The following TNRC18 variants were observed in gnomAD, a reference collection of about 807,000 sequenced individuals.
The protein encoded by TNRC18 is trinucleotide repeat containing 18, also known as trinucleotide repeat-containing gene 18 protein.
In TNRC18, 69 loss-of-function variants were observed where a neutral mutation model predicts 226.7. That is an observed-to-expected ratio of 0.30 (90% CI 0.25 to 0.37). The LOEUF (loss-of-function observed/expected upper bound fraction) is 0.37. TNRC18 is among the 10% of genes least tolerant of loss of function. TNRC18 has a pLI of 1.00. For synonymous variants in TNRC18, 2,449 were observed against 1,927.6 expected (o/e 1.27, Z -7.09); for missense variants, 4,754 against 4,256.6 (o/e 1.12, Z -3.25).
chr7:5,360,955 C>G (rs1446804216), intron 14 of TNRC18, among the ~76,000 whole-genome samples: 1 of 152,160 alleles, frequency 6.6e-6, no homozygotes, highest in Non-Finnish European at 1.5e-5. Context: ...GCCCCAGGCT[C>G]CCAACACTCC....
In TNRC18 at chr7:5,397,781, G is replaced by A. The variant is rs143789306; in HGVS notation, c.188-3186C>T. Among the ~76,000 whole-genome samples, 1,106 of 152,150 alleles carry A rather than the reference G, an allele frequency of 7.3e-3. 14 individuals are homozygous for A. The highest frequency in any genetic ancestry group is 0.028 in the South Asian group (133 of 4,814). ...TCCAACAGCCACACGACCCAAGCAG[G>A]CCCCAAGTGACCTGTGACCACCCAC... On this transcript the variant is annotated intron_variant, in intron 2 of 29. Transcript: ENST00000430969.
chr7:5,313,585 T>C lies in TNRC18; in HGVS notation c.7306A>G (p.Lys2436Glu), dbSNP rs752320737. Residue 2436 changes from lysine to glutamate, a missense_variant, in exon 27 of 30, where the codon AAG becomes GAG. Transcript: ENST00000430969. The stretch of plus-strand genomic sequence containing the variant: ...TCGGCTGCCCGCGCCTTCTTGGGCT[T>C]GGGGCGTGTGGCAGGCATGGTGATG... ...PLITMPATRPKPKKARAAEES... is the reference protein window; with the variant it reads ...PLITMPATRPEPKKARAAEES... 6.2e-7 allele frequency: 1 copy of C among 1,604,390 alleles called. No individual in the cohort carries two copies. Among genetic ancestry groups the C allele is most frequent in the Non-Finnish European group, 8.5e-7 (1 of 1,176,234 alleles).
At chr7:5,319,070 C>T (rs1788101598) in intron 24 of TNRC18, among the ~76,000 whole-genome samples, 1 of 152,210 alleles carries the variant, frequency 6.6e-6, no homozygotes, top group Non-Finnish European at 1.5e-5. Context: ...AGGCCTAGAA[C>T]ACAGCCAGCA....
intron 2 of TNRC18, among the ~76,000 whole-genome samples, chr7:5,404,985 G>A (rs913300759): frequency 6.6e-6 from 1 of 152,062 alleles, no homozygotes; most frequent in African/African-American, 2.4e-5. Context: ...GGGTGTGGCT[G>A]CATGCGCCTG....
intron 17 of TNRC18, among the ~76,000 whole-genome samples, chr7:5,348,577 G>A (rs575776069): frequency 1.3e-4 from 19 of 147,802 alleles, no homozygotes; most frequent in African/African-American, 3.7e-4. Flanking sequence ...GAGACAGCCC[G>A]GATTTCTGCT....
Position 5,356,776 on chromosome 7 carries a change from A to C in TNRC18, c.5194+140T>G, listed in dbSNP as rs549748297. 2.4e-5 allele frequency: 29 copies of C among 1,224,462 alleles called. No homozygotes were observed. The East Asian group carries it at 6.0e-4, about 26-fold the overall frequency. The allele number at this position is 1,224,462 out of a possible 1,614,324, so 75.8% of individuals were successfully genotyped here. On this transcript the variant is annotated intron_variant, in intron 16 of 29. Coordinates refer to ENST00000430969, the MANE Select transcript of TNRC18 (RefSeq NM_001080495.3). ...CCGGCTTGGAGGCCATGCCAAGCTC[A>C]GGCACTGTAGTGCGCCCCAGAGAGA... is the stretch of plus-strand genomic sequence containing the variant.
chr7:5,328,679 T>C (rs1228046779), intron 19 of TNRC18, among the ~76,000 whole-genome samples: 1 of 151,910 alleles, frequency 6.6e-6, no homozygotes, highest in African/African-American at 2.4e-5. Context: ...CGGCTACTTT[T>C]TTGTATTTTT....
intron 19 of TNRC18, among the ~76,000 whole-genome samples, chr7:5,329,497 A>G (rs2128124265): frequency 6.6e-6 from 1 of 151,766 alleles, no homozygotes; most frequent in Middle Eastern, 3.4e-3. Flanking sequence ...CAGCCTGACC[A>G]ACATGGTGAA....
intron 18 of TNRC18, among the ~76,000 whole-genome samples, chr7:5,335,982 A>G (rs1055578211): frequency 9.2e-5 from 14 of 151,828 alleles, no homozygotes; most frequent in Non-Finnish European, 1.6e-4. Context: ...CAAGGCGGGC[A>G]GATCACTTGA....
chr7:5,406,615 C>A (rs1479187726), intron 2 of TNRC18, among the ~76,000 whole-genome samples: 1 of 152,072 alleles, frequency 6.6e-6, no homozygotes, highest in Admixed American at 6.6e-5. Context: ...CTTTGGAAGG[C>A]AGAAGCGGGC....
At chr7:5,359,370 C>G (rs1792793256) in intron 15 of TNRC18, 28 bp downstream of exon 15, 3 of 1,613,108 alleles carry the variant, frequency 1.9e-6, no homozygotes, top group Non-Finnish European at 2.5e-6. Context: ...TGAAAGATCT[C>G]ACACACCTGG....
chr7:5,357,417 T>A, intron 15 of TNRC18, 141 bp from the exon 16 acceptor site: 1 of 974,082 alleles, frequency 1.0e-6, no homozygotes. Context: ...CATATATATT[T>A]ATTTTTTTTT....
At position 5,394,662 on chromosome 7, in the gene TNRC18, GC is replaced by G; in HGVS notation, c.188-68del. The G allele has an allele frequency of 9.0e-7, 1 of 1,112,754 alleles. No individual in the cohort carries two copies. Among genetic ancestry groups the G allele is most frequent in the South Asian group, 1.5e-5 (1 of 68,002 alleles). 68.9% of individuals were successfully genotyped at this position (1,112,754 alleles called of 1,614,324 possible). ...GGAGGCGCCGCCGCCCCAGCCCACC[GC>G]CCCGACCCACCGCCCCGAGACCGCC... is the stretch of plus-strand genomic sequence containing the variant. On this transcript the variant is annotated intron_variant, in intron 2 of 29. Coordinates refer to ENST00000430969, the MANE Select transcript of TNRC18 (RefSeq NM_001080495.3). The surrounding 1 kb of genome is among the most constrained non-coding windows in gnomAD (Gnocchi z 4.5).
In TNRC18 at chr7:5,389,098, G is replaced by T; in HGVS notation, c.726C>A (p.Thr242=). ...ASGPRGVVDL[T]QEARAEGRQD... is the part of the protein sequence containing the mutation. ...GGCGGCCCTCGGCGCGCGCCTCCTGGGTCAGGTCCACCACGCCCCGTGGCC... is the reference window on the plus strand; with the variant it reads ...GGCGGCCCTCGGCGCGCGCCTCCTGTGTCAGGTCCACCACGCCCCGTGGCC... The change falls in exon 5 of 30, where the codon ACC becomes ACA. Residue 242 remains threonine, a synonymous_variant. Transcript: ENST00000430969. 7.7e-7 allele frequency: 1 copy of T among 1,302,460 alleles called. No homozygotes were observed. Among genetic ancestry groups the T allele is most frequent in the Non-Finnish European group, 9.8e-7 (1 of 1,021,792 alleles). The allele number at this position is 1,302,460 out of a possible 1,614,324, so 80.7% of individuals were successfully genotyped here. A position where few individuals can be genotyped will look rare whatever the true frequency, so the allele number is the denominator to read the frequency against.
At position 5,321,649 on chromosome 7, in the gene TNRC18, T is replaced by C. The variant is rs1445876492; in HGVS notation, c.6443-459A>G. Among the ~76,000 whole-genome samples, 3 of 145,544 alleles carry C rather than the reference T, an allele frequency of 2.1e-5. No homozygotes were observed. The Admixed American group carries it at 2.1e-4, about 10-fold the overall frequency. On this transcript the variant is annotated intron_variant, in intron 21 of 29. Transcript: ENST00000430969. Reference sequence around the variant, plus strand: ...GCCAAACTTCTAGGACTTTATTTATTTATTTATTTATTTATTTATTTATTT... The same window carrying C: ...GCCAAACTTCTAGGACTTTATTTATCTATTTATTTATTTATTTATTTATTT...
Position 5,387,685 on chromosome 7 carries a change from C to G in TNRC18, c.2139G>C (p.Leu713=). 1.9e-6 allele frequency: 3 copies of G among 1,604,540 alleles called. No homozygotes were observed. Among genetic ancestry groups the G allele is most frequent in the Non-Finnish European group, 2.5e-6 (3 of 1,179,846 alleles). The change falls in exon 5 of 30, where the codon CTG becomes CTC. Residue 713 remains leucine (L), a synonymous_variant. Transcript: ENST00000430969. The stretch of plus-strand genomic sequence containing the variant: ...CCCAGGACCTACCTTTGACGTTACT[C>G]AGCGACAGAGAGCGCTCCTGGTCTA... ...GLVDQERSLS[L]SNVKGHGRAD...
chr7:5,392,157 C>A (rs938943691), intron 3 of TNRC18, among the ~76,000 whole-genome samples: 1 of 152,138 alleles, frequency 6.6e-6, no homozygotes, highest in South Asian at 2.1e-4. Flanking sequence ...CCTGTTCTCT[C>A]ATCCAATCAT....
At chr7:5,311,374 T>G (rs759561699) in intron 27 of TNRC18, among the ~76,000 whole-genome samples, 1 of 152,230 alleles carries the variant, frequency 6.6e-6, no homozygotes, top group Non-Finnish European at 1.5e-5. Context: ...CAGGCCATAT[T>G]GATTCACTCA....
rs563189345 is a variant in TNRC18 at position 5,382,313 on chromosome 7, C to T, written c.2153-4289G>A. 3.9e-5 allele frequency among the ~76,000 whole-genome samples: 6 copies of T among 152,300 alleles called. No homozygotes were observed. In the South Asian group the frequency reaches 1.2e-3, roughly 32 times the overall value. On this transcript the variant is annotated intron_variant, in intron 5 of 29. Transcript: ENST00000430969. ...CCACGTCACTGCCGCCCCCTCTCTGCAGGCCGCCCAGAGGCCCAGCCCCAG... is the reference window on the plus strand; with the variant it reads ...CCACGTCACTGCCGCCCCCTCTCTGTAGGCCGCCCAGAGGCCCAGCCCCAG...
Sources: allele counts gnomAD v4.1 joint callset (sites outside exome capture counted in the v4.1 genomes callset), GRCh38; gene constraint gnomAD v4.1.1; non-coding constraint Gnocchi (gnomAD v3.1); transcripts MANE v1.5; gene names NCBI Gene and HGNC (gene_info 2026-07-23, HGNC 2026-07-21).